Variants in EDA2R observed in about 807,000 individuals in gnomAD.
The protein encoded by EDA2R is tumor necrosis factor receptor superfamily member 27.
A neutral mutation model predicts 20.1 loss-of-function variants in EDA2R; 26 were observed. That is an observed-to-expected ratio of 1.30 (90% CI 0.95 to 1.80). The LOEUF (loss-of-function observed/expected upper bound fraction) is 1.80, where lower values mean the gene tolerates loss of function less well. EDA2R is among the 40% of genes most tolerant of loss of function. The pLI, the probability that EDA2R is intolerant of heterozygous loss-of-function variation, is 0.00. For missense variants in EDA2R, 277 were observed against 228.7 expected (o/e 1.21, Z -1.36); for synonymous variants, 114 against 88.7 (o/e 1.29, Z -1.60).
At chrX:66,635,487 A>G (rs1268658050) in intron 1 of EDA2R, among the ~76,000 whole-genome samples, 1 of 112,344 alleles carries the variant, frequency 8.9e-6, no homozygotes, top group African/African-American at 3.2e-5. Context: ...CCAAAAGATG[A>G]CTCACTCTCT....
In EDA2R at chrX:66,602,784, C is replaced by A; in HGVS notation, c.366G>T (p.Leu122Phe). Reference protein sequence around the residue: ...PTSEVQCAFQLSLVEADTPTV... With the variant: ...PTSEVQCAFQFSLVEADTPTV... Reference sequence around the variant, plus strand: ...TGGGTGTATCTGCCTCCACTAAGCTCAACTGGAAGGCACCTGTGAGACAAA... The same window carrying A: ...TGGGTGTATCTGCCTCCACTAAGCTAAACTGGAAGGCACCTGTGAGACAAA... The change falls in exon 5 of 7, where the codon TTG (leucine) becomes TTT (phenylalanine). Residue 122 changes from leucine (L) to phenylalanine (F), a missense_variant. By Grantham distance (22) the Leu-to-Phe change is conservative. Transcript: ENST00000374719. 8.4e-7 allele frequency: 1 copy of A among 1,187,928 alleles called. No homozygotes were observed. Among genetic ancestry groups the A allele is most frequent in the South Asian group, 1.9e-5 (1 of 52,951 alleles).
intron 6 of EDA2R, among the ~76,000 whole-genome samples, chrX:66,598,729 G>A (rs759678038): frequency 1.3e-4 from 15 of 112,131 alleles, no homozygotes; most frequent in Non-Finnish European, 2.6e-4. Context: ...TCTTAGGTTG[G>A]ATGCAGGGAG....
At chrX:66,619,012 G>A (rs775949408) in intron 1 of EDA2R, among the ~76,000 whole-genome samples, 4 of 112,171 alleles carry the variant, frequency 3.6e-5, no homozygotes, top group South Asian at 3.7e-4. Flanking sequence ...CATATGAGAC[G>A]TTTGGTAATT....
chrX:66,621,207 G>A (rs1330662090), intron 1 of EDA2R, among the ~76,000 whole-genome samples: 19 of 111,450 alleles, frequency 1.7e-4, no homozygotes, highest in African/African-American at 6.2e-4. Context: ...AACCCGGGAG[G>A]CAGAGGTTGC....
intron 1 of EDA2R, among the ~76,000 whole-genome samples, chrX:66,634,093 C>T (rs1391567437): frequency 9.0e-6 from 1 of 111,617 alleles, no homozygotes; most frequent in Admixed American, 9.5e-5. Flanking sequence ...GAGATACAAA[C>T]CAGTGGGCAT....
At chrX:66,623,001 A>G (rs1021291006) in intron 1 of EDA2R, among the ~76,000 whole-genome samples, 5 of 111,765 alleles carry the variant, frequency 4.5e-5, no homozygotes, top group Non-Finnish European at 7.5e-5. Context: ...ACCACGAGGG[A>G]GTTGGTTTGG....
rs79010019 is a variant in EDA2R, at chrX:66,630,870, T to C, written c.-11+8125A>G. 7.5e-4 allele frequency among the ~76,000 whole-genome samples: 81 copies of C among 108,497 alleles called. No homozygotes were observed. The East Asian group carries it at 0.018, about 25-fold the overall frequency. 94.2% of individuals were successfully genotyped at this position (108,497 alleles called of 115,157 possible). A position where few individuals can be genotyped will look rare whatever the true frequency, so the allele number is the denominator to read the frequency against. On this transcript the variant is annotated intron_variant, in intron 1 of 6. Transcript: ENST00000374719. ...ACACACAAACACACGTATATATATA[T>C]ACACACACGTATGTGTATGCATATA...
chrX:66,627,391 C>T (rs5965283), intron 1 of EDA2R, among the ~76,000 whole-genome samples: 7,679 of 111,474 alleles, frequency 0.069, 658 homozygotes, highest in African/African-American at 0.24. Context: ...GACAATCACC[C>T]AACACATAAG....
chrX:66,613,264 T>C (rs1490813095), intron 2 of EDA2R, among the ~76,000 whole-genome samples: 1 of 111,825 alleles, frequency 8.9e-6, no homozygotes, highest in African/African-American at 3.2e-5. Flanking sequence ...CAAATATACT[T>C]ACATTTTAAA....
rs1039928012 is a variant in EDA2R at position 66,596,814 on chromosome X, A to C, written c.*1290T>G. ...CAAGGCCTAAAACCTTGGTTACCAC[A>C]TATTTGCTAATACCTGTGTGGGGCC... On this transcript the variant is annotated 3_prime_UTR_variant, in exon 7 of 7. Coordinates refer to ENST00000374719, the MANE Select transcript of EDA2R (RefSeq NM_021783.5). 8.9e-6 allele frequency: 1 copy of C among 112,501 alleles called. No homozygotes were observed. The highest frequency in any genetic ancestry group is 3.2e-5 in the African/African-American group (1 of 31,028). 9.3% of individuals were successfully genotyped at this position (112,501 alleles called of 1,213,427 possible).
intron 2 of EDA2R, among the ~76,000 whole-genome samples, chrX:66,615,650 G>A (rs1341671714): frequency 9.0e-6 from 1 of 111,248 alleles, no homozygotes; most frequent in Non-Finnish European, 1.9e-5. Context: ...TGCTTTAGAT[G>A]ACAGATTACC....
intron 1 of EDA2R, among the ~76,000 whole-genome samples, chrX:66,617,849 T>C (rs1419277649): frequency 1.0e-5 from 1 of 97,534 alleles, no homozygotes; most frequent in African/African-American, 3.7e-5. Context: ...CTCCCTTCCT[T>C]CCTTCCTTCT....
chrX:66,615,987 A>G lies in EDA2R; in HGVS notation c.34T>C (p.Trp12Arg). Residue 12 changes from tryptophan to arginine, a missense_variant, in exon 2 of 7, where the codon TGG becomes CGG. Coordinates refer to ENST00000374719, the MANE Select transcript of EDA2R (RefSeq NM_021783.5). Reference protein sequence around the residue: ...DCQENEYWDQWGRCVTCQRCG... With the variant: ...DCQENEYWDQRGRCVTCQRCG... Reference sequence around the variant, plus strand: ...CGTTGGCAGGTGACACACCGTCCCCATTGGTCCCAGTACTCATTTTCTTGG... The same window carrying G: ...CGTTGGCAGGTGACACACCGTCCCCGTTGGTCCCAGTACTCATTTTCTTGG... 1 of 1,210,533 alleles carries G rather than the reference A, an allele frequency of 8.3e-7. No individual in the cohort carries two copies. Among genetic ancestry groups the G allele is most frequent in the Non-Finnish European group, 1.1e-6 (1 of 894,716 alleles).
intron 1 of EDA2R, among the ~76,000 whole-genome samples, chrX:66,617,783 G>C (rs1253231324): frequency 1.8e-5 from 2 of 110,538 alleles, no homozygotes; most frequent in African/African-American, 3.3e-5. Flanking sequence ...GGCAAGGCAG[G>C]CTTGGTGCCA....
At chrX:66,622,812 C>T (rs933172107) in intron 1 of EDA2R, among the ~76,000 whole-genome samples, 4 of 112,255 alleles carry the variant, frequency 3.6e-5, no homozygotes, top group Non-Finnish European at 5.6e-5. Flanking sequence ...CACTTCTATC[C>T]AAGGTTTATC....
intron 2 of EDA2R, among the ~76,000 whole-genome samples, 198 bp downstream of exon 2, chrX:66,615,736 T>C (rs1482670816): frequency 9.0e-6 from 1 of 111,560 alleles, no homozygotes; most frequent in African/African-American, 3.3e-5. Flanking sequence ...CATGGAAACT[T>C]CCCTTGACCT....
chrX:66,631,048 T>C (rs1207986274), intron 1 of EDA2R, among the ~76,000 whole-genome samples: 3 of 109,579 alleles, frequency 2.7e-5, no homozygotes, highest in South Asian at 3.8e-4. Context: ...TGTATATGTA[T>C]ATATACACAT....
intron 1 of EDA2R, among the ~76,000 whole-genome samples, chrX:66,637,427 CG>C (rs1171038819): frequency 3.6e-5 from 4 of 111,696 alleles, no homozygotes; most frequent in Admixed American, 1.9e-4. Context: ...GAGGATCTGA[CG>C]TTTTTTTTAA....
intron 6 of EDA2R, among the ~76,000 whole-genome samples, chrX:66,598,878 A>T (rs1342842269): frequency 9.0e-6 from 1 of 111,493 alleles, no homozygotes; most frequent in African/African-American, 3.3e-5. Context: ...AGAAAGTAAC[A>T]TTGGCTATCA....
Sources: allele counts gnomAD v4.1 joint callset (sites outside exome capture counted in the v4.1 genomes callset), GRCh38; gene constraint gnomAD v4.1.1; transcripts MANE v1.5; gene names NCBI Gene and HGNC (gene_info 2026-07-23, HGNC 2026-07-21).